The following CYTH3 variants were observed in gnomAD, a reference collection of about 807,000 sequenced individuals.
CYTH3 encodes the protein cytohesin-3.
Under a neutral mutation model 55.1 loss-of-function variants are expected in CYTH3, and 23 were observed. That is an observed-to-expected ratio of 0.42 (90% CI 0.30 to 0.59). The LOEUF (loss-of-function observed/expected upper bound fraction) is 0.59, where lower values mean the gene tolerates loss of function less well. Ranked by LOEUF, CYTH3 falls within the 20% of genes least tolerant of loss-of-function variation. The pLI, the probability that CYTH3 is intolerant of heterozygous loss-of-function variation, is 0.20. For synonymous variants in CYTH3, 249 were observed against 194.9 expected (o/e 1.28, Z -2.31); for missense variants, 413 against 524.8 (o/e 0.79, Z 2.08).
intron 1 of CYTH3, among the ~76,000 whole-genome samples, chr7:6,216,712 ATCTGGGTG>A (rs1784434396): frequency 6.6e-6 from 1 of 151,970 alleles, no homozygotes; most frequent in Non-Finnish European, 1.5e-5. Context: ...CTGCACTCCA[ATCTGGGTG>A]ACAGGGTGAG....
intron 1 of CYTH3, among the ~76,000 whole-genome samples, chr7:6,218,146 C>T (rs965806093): frequency 2.0e-5 from 3 of 152,262 alleles, no homozygotes; most frequent in Non-Finnish European, 4.4e-5. Flanking sequence ...CACCACACTC[C>T]AGCCTGGGCA....
Position 6,239,281 on chromosome 7 carries a change from AAAGAG to A in CYTH3, c.34+33188_34+33192del, listed in dbSNP as rs368761112. 6.9e-3 allele frequency among the ~76,000 whole-genome samples: 1,055 copies of A among 152,238 alleles called. 12 individuals are homozygous for A. Among genetic ancestry groups the A allele is most frequent in the African/African-American group, 0.024 (989 of 41,552 alleles). ...GAGAGAAGAGGGAAATGGAAGAGAG[AAAGAG>A]AAGAGAAGACGCAGCCCTTCCTTCC... On this transcript the variant is annotated intron_variant, in intron 1 of 12. Coordinates refer to ENST00000350796, the MANE Select transcript of CYTH3 (RefSeq NM_004227.4).
intron 1 of CYTH3, among the ~76,000 whole-genome samples, chr7:6,208,318 A>G (rs1376141120): frequency 2.6e-5 from 4 of 152,220 alleles, no homozygotes; most frequent in Non-Finnish European, 5.9e-5. Flanking sequence ...TTGGACTCAT[A>G]TATAAACATC....
intron 1 of CYTH3, among the ~76,000 whole-genome samples, chr7:6,229,849 T>A (rs1467533654): frequency 4.1e-5 from 6 of 146,460 alleles, no homozygotes. Flanking sequence ...GAATTATCTA[T>A]CTCAGGCTGG....
chr7:6,165,325 G>T lies in CYTH3; in HGVS notation c.1075C>A (p.Arg359=). 3 of 1,614,082 alleles carry T rather than the reference G, an allele frequency of 1.9e-6. No homozygotes were observed. The highest frequency in any genetic ancestry group is 1.1e-5 in the South Asian group (1 of 91,084). ...RVVEGNHVVY[R]ISAPSPEEKE... is the part of the protein sequence containing the mutation. ...TCCTCCGGGCTCGGGGCTGAGATCC[G>T]GTACACCACATGGTTCCCCTCTACC... Residue 359 remains arginine (R), a synonymous_variant, in exon 12 of 13, where the codon CGG becomes AGG. Transcript: ENST00000350796.
chr7:6,193,813 C>A (rs117264573), intron 1 of CYTH3, among the ~76,000 whole-genome samples: 542 of 152,232 alleles, frequency 3.6e-3, no homozygotes, highest in Admixed American at 5.6e-3. Context: ...CGTTTGAGGG[C>A]AAGGGCACCC....
intron 1 of CYTH3, among the ~76,000 whole-genome samples, chr7:6,191,332 GA>G (rs1231197047): frequency 7.9e-5 from 12 of 151,860 alleles, no homozygotes; most frequent in African/African-American, 2.9e-4. Context: ...CAGCGCCCAG[GA>G]AAAGACCACA....
intron 1 of CYTH3, among the ~76,000 whole-genome samples, chr7:6,270,920 G>C (rs879675876): frequency 6.6e-6 from 1 of 152,056 alleles, no homozygotes; most frequent in Admixed American, 6.6e-5. Flanking sequence ...TTTACTCACA[G>C]AGCCCAAAGC....
At chr7:6,223,999 T>G (rs1466223665) in intron 1 of CYTH3, among the ~76,000 whole-genome samples, 1 of 152,048 alleles carries the variant, frequency 6.6e-6, no homozygotes, top group Non-Finnish European at 1.5e-5. Flanking sequence ...ACATATATAA[T>G]CCTTACTGAT....
chr7:6,252,039 T>C (rs900568971), intron 1 of CYTH3, among the ~76,000 whole-genome samples: 4 of 152,208 alleles, frequency 2.6e-5, no homozygotes, highest in African/African-American at 9.6e-5. Context: ...GATGGTGATA[T>C]GGACCTGGTC....
intron 1 of CYTH3, among the ~76,000 whole-genome samples, chr7:6,251,021 G>C (rs1308380030): frequency 6.6e-6 from 1 of 152,214 alleles, no homozygotes; most frequent in Non-Finnish European, 1.5e-5. Context: ...GCTCACGCCT[G>C]TAATCCCAGC....
intron 1 of CYTH3, among the ~76,000 whole-genome samples, chr7:6,202,599 G>T (rs1784081301): frequency 6.6e-6 from 1 of 152,106 alleles, no homozygotes; most frequent in Non-Finnish European, 1.5e-5. Flanking sequence ...GAGTGGCTGG[G>T]ATTACAGGCA....
At position 6,171,040 on chromosome 7, in the gene CYTH3, T is replaced by C; in HGVS notation, c.563-62A>G. ...CTCCAGTGGACAGTGGGACCCCGCG[T>C]GCTGGGGGCCCGCCTGCAAGAGGTG... On this transcript the variant is annotated intron_variant, in intron 7 of 12. Transcript: ENST00000350796. This position sits in a 1 kb window ranked among gnomAD's most constrained non-coding sequence, Gnocchi z 6.7. 2 of 1,601,528 alleles carry C rather than the reference T, an allele frequency of 1.2e-6. No homozygotes were observed. The highest frequency in any genetic ancestry group is 4.5e-5 in the East Asian group (2 of 44,598).
In CYTH3 at chr7:6,259,823, T is replaced by TCTATA. The variant is rs1562418211; in HGVS notation, c.34+12650_34+12651insTATAG. Among the ~76,000 whole-genome samples, 3 of 22,866 alleles carry TCTATA rather than the reference T, an allele frequency of 1.3e-4. No homozygotes were observed. The African/African-American group carries it at 1.5e-3, about 11-fold the overall frequency. 15.0% of individuals were successfully genotyped at this position (22,866 alleles called of 152,430 possible). The stretch of plus-strand genomic sequence containing the variant: ...TATATATATATATATAATATATATA[T>TCTATA]ATATATATATTTTTTTTTTTTTTTA... On this transcript the variant is annotated intron_variant, in intron 1 of 12. Coordinates refer to ENST00000350796, the MANE Select transcript of CYTH3 (RefSeq NM_004227.4).
intron 3 of CYTH3, 123 bp from the exon 4 acceptor site, chr7:6,187,239 G>A (rs553734308): frequency 5.0e-5 from 52 of 1,040,766 alleles, no homozygotes; most frequent in East Asian, 2.4e-4. Context: ...AGGCCCTCAC[G>A]GAGGGGCCCC....
intron 1 of CYTH3, among the ~76,000 whole-genome samples, chr7:6,235,297 G>T (rs760468650): frequency 6.6e-6 from 1 of 152,026 alleles, no homozygotes; most frequent in Non-Finnish European, 1.5e-5. Flanking sequence ...CCAAAGTGGT[G>T]AAACCGATGT....
intron 1 of CYTH3, among the ~76,000 whole-genome samples, chr7:6,258,700 T>A (rs896690482): frequency 8.5e-5 from 13 of 152,210 alleles, no homozygotes; most frequent in African/African-American, 3.1e-4. Flanking sequence ...GGTTGTTCAA[T>A]CCTTCTTCTG....
Position 6,167,256 on chromosome 7 carries a change from A to C in CYTH3, c.824-1446T>G, listed in dbSNP as rs561710615. On this transcript the variant is annotated intron_variant, in intron 9 of 12. Coordinates refer to ENST00000350796, the MANE Select transcript of CYTH3 (RefSeq NM_004227.4). The surrounding 1 kb of genome is among the most constrained non-coding windows in gnomAD (Gnocchi z 5.5). ...CACTGCAGCACACCAGGGAGGCCCA[A>C]GTCCACAGGGGAGGGCAGGAGACCC... Among the ~76,000 whole-genome samples, 1 of 152,246 alleles carries C rather than the reference A, an allele frequency of 6.6e-6. No homozygotes were observed. Among genetic ancestry groups the C allele is most frequent in the Non-Finnish European group, 1.5e-5 (1 of 68,004 alleles).
intron 1 of CYTH3, among the ~76,000 whole-genome samples, chr7:6,250,616 T>G (rs1779936754): frequency 6.6e-6 from 1 of 152,200 alleles, no homozygotes; most frequent in Non-Finnish European, 1.5e-5. Context: ...ACATATTCTA[T>G]GATTCCATTT....
Sources: allele counts gnomAD v4.1 joint callset (sites outside exome capture counted in the v4.1 genomes callset), GRCh38; gene constraint gnomAD v4.1.1; non-coding constraint Gnocchi (gnomAD v3.1); transcripts MANE v1.5; gene names NCBI Gene and HGNC (gene_info 2026-07-23, HGNC 2026-07-21).